The following KAZN variants were observed in gnomAD, a reference collection of about 807,000 sequenced individuals.
KAZN encodes kazrin, periplakin interacting protein.
A neutral mutation model predicts 87.4 loss-of-function variants in KAZN; 40 were observed. The ratio of observed to expected loss-of-function variants is 0.46; its 90% CI spans 0.36 to 0.60. KAZN has a LOEUF of 0.60. Among genes scored for constraint, KAZN ranks in the 20% least tolerant of loss-of-function variants. The pLI, the probability that KAZN is intolerant of heterozygous loss-of-function variation, is 0.00. For synonymous variants in KAZN, 466 were observed against 458.3 expected, an observed-to-expected ratio of 1.02 and a Z score of -0.22; for missense variants, 898 against 1,073.9, an observed-to-expected ratio of 0.84 and a Z score of 2.29.
intron 1 of KAZN, among the ~76,000 whole-genome samples, chr1:14,903,399 G>A (rs1156600841): frequency 6.6e-6 from 1 of 152,210 alleles, no homozygotes; most frequent in Non-Finnish European, 1.5e-5. Context: ...CTTTCAGGTG[G>A]GCACACTGGG....
intron 2 of KAZN, among the ~76,000 whole-genome samples, chr1:14,277,777 C>T (rs369944550): frequency 2.0e-5 from 3 of 152,056 alleles, no homozygotes; most frequent in Non-Finnish European, 2.9e-5. Flanking sequence ...CCCTCACACC[C>T]GTGGCTCCCT....
chr1:15,027,649 A>G (rs545586749), intron 2 of KAZN, among the ~76,000 whole-genome samples: 95 of 152,304 alleles, frequency 6.2e-4, no homozygotes, highest in Non-Finnish European at 1.0e-3. Flanking sequence ...TCCATGGGTC[A>G]GGAACATTGC....
chr1:14,012,857 C>A (rs888145387), intron 1 of KAZN, among the ~76,000 whole-genome samples: 1 of 152,154 alleles, frequency 6.6e-6, no homozygotes, highest in Admixed American at 6.5e-5. Flanking sequence ...ACATATTTAC[C>A]GTATGCTCCT....
chr1:14,666,710 G>C (rs1639574614), intron 1 of KAZN, among the ~76,000 whole-genome samples: 1 of 152,102 alleles, frequency 6.6e-6, no homozygotes, highest in Non-Finnish European at 1.5e-5. Flanking sequence ...CTTTCACGGG[G>C]CCTTCTCCGT....
At chr1:14,147,448 G>A (rs1293669335) in intron 1 of KAZN, among the ~76,000 whole-genome samples, 1 of 152,142 alleles carries the variant, frequency 6.6e-6, no homozygotes, top group Non-Finnish European at 1.5e-5. Context: ...TACAATTAAT[G>A]AAACAGTGTT....
chr1:14,021,280 A>G (rs1640812969), intron 1 of KAZN, among the ~76,000 whole-genome samples: 1 of 152,188 alleles, frequency 6.6e-6, no homozygotes, highest in South Asian at 2.1e-4. Flanking sequence ...GTTGAGAACC[A>G]TTGTCCAAGA....
intron 7 of KAZN, 135 bp from the exon 8 acceptor site, chr1:15,065,495 G>T: frequency 1.3e-6 from 1 of 766,116 alleles, no homozygotes; most frequent in Non-Finnish European, 2.2e-6. Flanking sequence ...ATCCCAGCCC[G>T]TCCCTGACCC....
chr1:13,968,912 T>A (rs1642038585), intron 1 of KAZN, among the ~76,000 whole-genome samples: 1 of 152,164 alleles, frequency 6.6e-6, no homozygotes, highest in Non-Finnish European at 1.5e-5. Context: ...GTGACCTGCT[T>A]GCTAAGATTC....
At chr1:14,624,665 C>A (rs1428351019) in intron 1 of KAZN, among the ~76,000 whole-genome samples, 1 of 152,124 alleles carries the variant, frequency 6.6e-6, no homozygotes, top group East Asian at 1.9e-4. Flanking sequence ...CAGCTAAGGA[C>A]TCGGTGAAGA....
chr1:14,944,600 C>A (rs535533625), intron 1 of KAZN, among the ~76,000 whole-genome samples: 31 of 152,292 alleles, frequency 2.0e-4, no homozygotes, highest in South Asian at 1.7e-3. Flanking sequence ...GGGCCAGGGG[C>A]AAGGGGCAGG....
At chr1:14,467,858 G>C (rs549773814) in intron 2 of KAZN, among the ~76,000 whole-genome samples, 1 of 152,034 alleles carries the variant, frequency 6.6e-6, no homozygotes, top group African/African-American at 2.4e-5. Flanking sequence ...CCAATAGAAC[G>C]TAAGCTTCTT....
At chr1:14,732,398 G>A (rs1338832194) in intron 1 of KAZN, among the ~76,000 whole-genome samples, 1 of 152,184 alleles carries the variant, frequency 6.6e-6, no homozygotes, top group Non-Finnish European at 1.5e-5. Flanking sequence ...CAGCACTTTG[G>A]GAGGCCGAGG....
intron 2 of KAZN, among the ~76,000 whole-genome samples, chr1:14,591,474 A>T (rs554914689): frequency 1.3e-5 from 2 of 151,882 alleles, no homozygotes; most frequent in Admixed American, 6.5e-5. Context: ...AGGAGGGAAA[A>T]AAATGCACTT....
intron 2 of KAZN, chr1:14,180,654 T>A: frequency 2.8e-6 from 4 of 1,419,862 alleles, no homozygotes; most frequent in Non-Finnish European, 3.8e-6. Context: ...CTTTTTGGCA[T>A]AAGCTGTCCA....
chr1:14,030,635 TACACAC>T (rs60838104), intron 1 of KAZN, among the ~76,000 whole-genome samples: 23,374 of 144,714 alleles, frequency 0.16, 1,979 homozygotes, highest in Middle Eastern at 0.27. Context: ...TGTACACAGA[TACACAC>T]ACACACACAC....
In KAZN at chr1:15,104,007, C is replaced by T. The variant is rs904670428; in HGVS notation, c.1882-16C>T. Reference sequence around the variant, plus strand: ...TGGCCCCTGCAGGCTAACAAGTCCCCTGCCTTTGCCCCCAGGAGTACGCAG... The same window carrying T: ...TGGCCCCTGCAGGCTAACAAGTCCCTTGCCTTTGCCCCCAGGAGTACGCAG... On this transcript the variant is annotated splice_polypyrimidine_tract_variant and intron_variant, in intron 12 of 14. Transcript: ENST00000376030. 5 of 1,610,668 alleles carry T rather than the reference C, an allele frequency of 3.1e-6. No homozygotes were observed. In the African/African-American group the frequency reaches 4.0e-5, roughly 13 times the overall value.
In KAZN at chr1:14,783,315, G is replaced by GA. The variant is rs567459985; in HGVS notation, c.227-177365dup. 4.1e-3 allele frequency among the ~76,000 whole-genome samples: 630 copies of GA among 152,174 alleles called. 3 individuals carry two copies. The highest frequency in any genetic ancestry group is 5.5e-3 in the Non-Finnish European group (374 of 67,996). ...AGCCCAAAGCCAGGCAGGGAGGCCA[G>GA]AAAATCTCACCAGCAGGGGCTCCTT... On this transcript the variant is annotated intron_variant, in intron 1 of 14. Transcript: ENST00000376030.
chr1:14,052,186 G>A (rs1340033621), intron 1 of KAZN, among the ~76,000 whole-genome samples: 2 of 152,188 alleles, frequency 1.3e-5, no homozygotes, highest in African/African-American at 2.4e-5. Flanking sequence ...CCAGAGAGCT[G>A]AGTCCCCCCA....
At chr1:14,322,378 T>G (rs1656108434) in intron 2 of KAZN, among the ~76,000 whole-genome samples, 1 of 152,228 alleles carries the variant, frequency 6.6e-6, no homozygotes, top group African/African-American at 2.4e-5. Flanking sequence ...AAAGTCCTAT[T>G]CACACTTGAA....
Sources: gnomAD v4.1 joint callset for allele counts (sites outside exome capture counted in the v4.1 genomes callset) on GRCh38, gnomAD v4.1.1 for gene constraint, MANE v1.5 for transcripts, NCBI Gene and HGNC (gene_info 2026-07-23, HGNC 2026-07-21) for gene names.